The following GPC5 variants were observed in gnomAD, a reference collection of about 807,000 sequenced individuals.
The protein encoded by GPC5 is glypican-5.
In GPC5, 47 loss-of-function variants were observed where a neutral mutation model predicts 53.9. The observed-to-expected ratio is 0.87, with a 90% confidence interval of 0.69 to 1.11. The LOEUF is 1.11. GPC5 is among the 50% of genes most tolerant of loss of function. The probability of loss-of-function intolerance (pLI) is 0.00; values close to 1 mark genes in which losing one functional copy is unlikely to be tolerated. For missense variants in GPC5, 748 were observed against 713.1 expected, an observed-to-expected ratio of 1.05 and a Z score of -0.56; for synonymous variants, 286 against 263.3, an observed-to-expected ratio of 1.09 and a Z score of -0.84.
chr13:92,197,385 G>A (rs189176872), intron 7 of GPC5, among the ~76,000 whole-genome samples: 51 of 152,158 alleles, frequency 3.4e-4, no homozygotes, highest in African/African-American at 1.0e-3. Context: ...TATATTGATC[G>A]CTGTAGGTAG....
At position 92,785,495 on chromosome 13, in the gene GPC5, G is replaced by A. The variant is rs532352054; in HGVS notation, c.1562-80787G>A. On this transcript the variant is annotated intron_variant, in intron 7 of 7. Coordinates refer to ENST00000377067, the MANE Select transcript of GPC5 (RefSeq NM_004466.6). ...TATGTGCAACCACAAATATTTCTAA[G>A]AGAAAGAAAAGAGGCCATGCAGCAT... is the stretch of plus-strand genomic sequence containing the variant. Among the ~76,000 whole-genome samples the A allele has an allele frequency of 5.9e-5, 9 of 152,240 alleles. No individual in the cohort carries two copies. In the East Asian group the frequency reaches 1.7e-3, roughly 29 times the overall value.
chr13:91,718,938 C>T (rs16946629), intron 3 of GPC5, among the ~76,000 whole-genome samples: 22,393 of 152,044 alleles, frequency 0.15, 1,809 homozygotes, highest in African/African-American at 0.19. Context: ...GAAATTCTAC[C>T]TCCCTAACTA....
At chr13:92,307,386 A>G (rs1039219192) in intron 7 of GPC5, among the ~76,000 whole-genome samples, 5 of 152,174 alleles carry the variant, frequency 3.3e-5, no homozygotes, top group Non-Finnish European at 7.4e-5. Flanking sequence ...CTCGGGAGGC[A>G]GAGGTTGCAG....
chr13:92,758,753 A>T (rs887629398), intron 7 of GPC5, among the ~76,000 whole-genome samples: 6 of 152,090 alleles, frequency 3.9e-5, no homozygotes, highest in African/African-American at 1.4e-4. Flanking sequence ...CAGAAATTAC[A>T]TGGGAATGTG....
intron 5 of GPC5, among the ~76,000 whole-genome samples, chr13:91,781,292 T>C (rs955828549): frequency 6.6e-6 from 1 of 152,242 alleles, no homozygotes; most frequent in African/African-American, 2.4e-5. Context: ...TTGAAAGAAC[T>C]GTGCTTAAAA....
intron 5 of GPC5, among the ~76,000 whole-genome samples, chr13:91,803,803 C>CACACACACAT (rs71113763): frequency 1.3e-5 from 2 of 150,016 alleles, no homozygotes; most frequent in Non-Finnish European, 3.0e-5. Flanking sequence ...CACACACACA[C>CACACACACAT]ACAGAGGAAA....
intron 7 of GPC5, among the ~76,000 whole-genome samples, chr13:92,592,764 G>A (rs1264641197): frequency 4.6e-5 from 7 of 151,188 alleles, no homozygotes; most frequent in Admixed American, 6.6e-5. Flanking sequence ...ATTACAAAAA[G>A]TCCGAAGATT....
intron 2 of GPC5, among the ~76,000 whole-genome samples, chr13:91,579,384 A>G (rs573507695): frequency 6.6e-6 from 1 of 152,110 alleles, no homozygotes; most frequent in Non-Finnish European, 1.5e-5. Flanking sequence ...GTGTGTAACT[A>G]TAAGAGTGCT....
intron 7 of GPC5, among the ~76,000 whole-genome samples, chr13:92,385,549 C>G (rs578006060): frequency 1.4e-5 from 2 of 142,966 alleles, no homozygotes; most frequent in African/African-American, 5.1e-5. Flanking sequence ...TGCATATATA[C>G]ATATATGCAT....
intron 7 of GPC5, among the ~76,000 whole-genome samples, chr13:92,327,872 T>A (rs1386918950): frequency 1.3e-5 from 2 of 152,180 alleles, no homozygotes; most frequent in Non-Finnish European, 1.5e-5. Context: ...TCCAGGTCAC[T>A]AACAGTGCAA....
chr13:92,010,942 G>A (rs1287355460), intron 6 of GPC5, among the ~76,000 whole-genome samples: 1 of 152,190 alleles, frequency 6.6e-6, no homozygotes, highest in Non-Finnish European at 1.5e-5. Flanking sequence ...TTTCTTAAAT[G>A]ATATTAGGAG....
chr13:92,496,950 G>T (rs1345999156), intron 7 of GPC5, among the ~76,000 whole-genome samples: 1 of 152,112 alleles, frequency 6.6e-6, no homozygotes, highest in Non-Finnish European at 1.5e-5. Flanking sequence ...CAAGTTTTAA[G>T]CAGGAGTGAA....
chr13:92,622,175 T>C (rs530582312), intron 7 of GPC5, among the ~76,000 whole-genome samples: 1 of 152,246 alleles, frequency 6.6e-6, no homozygotes, highest in Admixed American at 6.5e-5. Flanking sequence ...AGCTGAGGCA[T>C]TGGTTATTCT....
At chr13:91,851,096 GCAAT>G (rs1369567600) in intron 5 of GPC5, among the ~76,000 whole-genome samples, 8 of 152,130 alleles carry the variant, frequency 5.3e-5, no homozygotes, top group African/African-American at 1.7e-4. Flanking sequence ...CGAGGCTTGA[GCAAT>G]CAGAGAGGTG....
chr13:91,404,054 C>T (rs1263718997), intron 1 of GPC5, among the ~76,000 whole-genome samples: 2 of 152,138 alleles, frequency 1.3e-5, no homozygotes, highest in African/African-American at 4.8e-5. Context: ...TAATATTTTC[C>T]ACTTATCACC....
chr13:92,357,592 G>A (rs989991042), intron 7 of GPC5, among the ~76,000 whole-genome samples: 6 of 151,442 alleles, frequency 4.0e-5, no homozygotes, highest in Non-Finnish European at 5.9e-5. Context: ...CCAGAGACTC[G>A]GTAATTTATA....
chr13:91,434,981 C>T (rs1487688356), intron 1 of GPC5, among the ~76,000 whole-genome samples: 6 of 152,136 alleles, frequency 3.9e-5, no homozygotes. Flanking sequence ...TGATTTGGCT[C>T]TCTGTTTGTC....
In GPC5 at chr13:91,737,377, G is replaced by A. The variant is rs2036838362; in HGVS notation, c.1154+8712G>A. ...GGTATCCTTTTTTAAAATTTACTTT[G>A]AGTAATTCCCAAGAGAATACCTCTA... is the stretch of plus-strand genomic sequence containing the variant. On this transcript the variant is annotated intron_variant, in intron 4 of 7. Coordinates refer to ENST00000377067, the MANE Select transcript of GPC5 (RefSeq NM_004466.6). Among the ~76,000 whole-genome samples, 2 of 151,246 alleles carry A rather than the reference G, an allele frequency of 1.3e-5. 1 individual carries two copies. Among genetic ancestry groups the A allele is most frequent in the South Asian group, 4.1e-4 (2 of 4,820 alleles).
chr13:91,972,819 T>A (rs1308327239), intron 6 of GPC5, among the ~76,000 whole-genome samples: 1 of 152,188 alleles, frequency 6.6e-6, no homozygotes. Flanking sequence ...GCTTGTAGAG[T>A]TTCTGCTGAG....
Sources: allele counts gnomAD v4.1 joint callset (sites outside exome capture counted in the v4.1 genomes callset), GRCh38; gene constraint gnomAD v4.1.1; transcripts MANE v1.5; gene names NCBI Gene and HGNC (gene_info 2026-07-23, HGNC 2026-07-21).